Variants in PCDHA3 observed in about 807,000 individuals in gnomAD.
The protein encoded by PCDHA3 is protocadherin alpha 3.
Under a neutral mutation model 62.2 loss-of-function variants are expected in PCDHA3, and 41 were observed. The observed-to-expected ratio is 0.66, with a 90% CI of 0.51 to 0.86. The LOEUF (loss-of-function observed/expected upper bound fraction) is 0.86, where lower values mean the gene tolerates loss of function less well. Ranked by LOEUF, PCDHA3 falls within the 40% of genes least tolerant of loss-of-function variation. PCDHA3 has a pLI of 0.00. For synonymous variants in PCDHA3, 640 were observed against 555.4 expected (o/e 1.15, Z -2.14); for missense variants, 1,304 against 1,241.2 (o/e 1.05, Z -0.76).
chr5:140,884,797 T>A, intron 1 of PCDHA3: 1 of 1,276,990 alleles, frequency 7.8e-7, no homozygotes, highest in Non-Finnish European at 1.1e-6. Flanking sequence ...TTATCGAATT[T>A]AACAACTCTG....
At chr5:140,971,527 A>G (rs116818549) in intron 1 of PCDHA3, among the ~76,000 whole-genome samples, 2,035 of 152,284 alleles carry the variant, frequency 0.013, 20 homozygotes, top group Middle Eastern at 0.054. Context: ...CAGTTCTGAA[A>G]GTCATCATTG....
At position 140,852,434 on chromosome 5, in the gene PCDHA3, C is replaced by T. The variant is rs2150516775; in HGVS notation, c.2394+48843C>T. On this transcript the variant is annotated intron_variant, in intron 1 of 3. Transcript: ENST00000522353. ...CTGGGATTATAGGCACATGCCACCG[C>T]GCCCAGCTAATTTTTGTATTTTTAG... 6.7e-4 allele frequency: 121 copies of T among 181,038 alleles called. 6 individuals carry two copies. The highest frequency in any genetic ancestry group is 3.4e-4 in the Admixed American group (5 of 14,894). The allele number at this position is 181,038 out of a possible 1,614,324, so 11.2% of individuals were successfully genotyped here. A position where few individuals can be genotyped will look rare whatever the true frequency, so the allele number is the denominator to read the frequency against.
chr5:140,808,835 A>G (rs1554124834), intron 1 of PCDHA3: 1 of 1,612,992 alleles, frequency 6.2e-7, no homozygotes. Flanking sequence ...CAGCAACGTG[A>G]CGCTGCAGGT....
chr5:140,967,240 C>T, intron 1 of PCDHA3: 1 of 1,613,644 alleles, frequency 6.2e-7, no homozygotes, highest in African/African-American at 1.3e-5. Flanking sequence ...TTCAGGTAAG[C>T]GAATCGGTGG....
At chr5:140,882,369 C>T (rs1554173809) in intron 1 of PCDHA3, 1 of 1,614,222 alleles carries the variant, frequency 6.2e-7, no homozygotes, top group South Asian at 1.1e-5. Context: ...CTCCACTACT[C>T]CGTCCCCGAG....
At chr5:140,856,935 A>T in intron 1 of PCDHA3, 1 of 1,594,236 alleles carries the variant, frequency 6.3e-7, no homozygotes, top group Non-Finnish European at 8.6e-7. Context: ...TGGATAAACG[A>T]AAGGACGGGA....
In PCDHA3 at chr5:140,847,104, A is replaced by G. The variant is rs2150397303; in HGVS notation, c.2394+43513A>G. Among the ~76,000 whole-genome samples, 7 of 149,942 alleles carry G rather than the reference A, an allele frequency of 4.7e-5. 1 individual carries two copies. The East Asian group carries it at 1.4e-3, about 29-fold the overall frequency. On this transcript the variant is annotated intron_variant, in intron 1 of 3. Coordinates refer to ENST00000522353, the MANE Select transcript of PCDHA3 (RefSeq NM_018906.3). ...AAAGTCCACTTTGGTTAAAACACAC[A>G]GTCTGCAGAGAATGAAAGCAGGAAA...
chr5:140,876,723 C>A (rs782820769), intron 1 of PCDHA3: 15 of 1,614,132 alleles, frequency 9.3e-6, no homozygotes, highest in East Asian at 2.2e-5. Context: ...ACCGCGAGAG[C>A]GTGTCGGCCT....
intron 1 of PCDHA3, chr5:140,857,651 A>G (rs781834004): frequency 6.3e-7 from 1 of 1,596,558 alleles, no homozygotes; most frequent in South Asian, 1.1e-5. Context: ...GTTCCAGGTG[A>G]GCGCGCGCGA....
intron 2 of PCDHA3, among the ~76,000 whole-genome samples, chr5:140,979,626 A>T (rs2096859120): frequency 2.0e-5 from 3 of 152,204 alleles, no homozygotes; most frequent in Non-Finnish European, 4.4e-5. Flanking sequence ...TTAGTCTAAG[A>T]CTCAGATTAA....
intron 2 of PCDHA3, chr5:140,982,263 C>A: frequency 1.2e-6 from 1 of 858,968 alleles, no homozygotes; most frequent in Non-Finnish European, 1.7e-6. Flanking sequence ...ATGTGTGTTC[C>A]TGGAATAGTA....
chr5:140,927,011 C>T, intron 1 of PCDHA3: 1 of 1,612,606 alleles, frequency 6.2e-7, no homozygotes, highest in Non-Finnish European at 8.5e-7. Context: ...GGCAATCTCT[C>T]CGCGGACTTG....
chr5:140,928,642 G>A (rs2085397273), intron 1 of PCDHA3: 2 of 1,614,114 alleles, frequency 1.2e-6, no homozygotes, highest in Non-Finnish European at 8.5e-7. Flanking sequence ...CACAAAAGTG[G>A]TAGCAGAGGA....
At chr5:140,883,786 C>G in intron 1 of PCDHA3, 1 of 1,612,422 alleles carries the variant, frequency 6.2e-7, no homozygotes, top group Admixed American at 1.7e-5. Flanking sequence ...CGCTGTCGAG[C>G]TACGTGTCGG....
intron 1 of PCDHA3, among the ~76,000 whole-genome samples, chr5:140,845,081 A>G (rs1413873569): frequency 1.3e-5 from 2 of 149,512 alleles, no homozygotes; most frequent in Non-Finnish European, 3.0e-5. Flanking sequence ...ATTGTTTTGT[A>G]GTTTATTTTA....
chr5:140,849,060 G>A lies in PCDHA3; in HGVS notation c.2394+45469G>A, dbSNP rs2150429705. On this transcript the variant is annotated intron_variant, in intron 1 of 3. Transcript: ENST00000522353. ...GGACGTGCCAACCAGCAACCAGCAG[G>A]TAAAACCTCTTGGACTTGTATTACG... The A allele has an allele frequency of 3.2e-6, 5 of 1,549,090 alleles. No individual in the cohort carries two copies. The South Asian group carries it at 5.6e-5, about 17-fold the overall frequency.
At chr5:140,875,428 C>T (rs782761347) in intron 1 of PCDHA3, 1 of 1,537,796 alleles carries the variant, frequency 6.5e-7, no homozygotes, top group Non-Finnish European at 8.7e-7. Context: ...GGCAAGCGAT[C>T]CCTTAAAACT....
At chr5:140,911,987 G>A (rs1554195079) in intron 1 of PCDHA3, among the ~76,000 whole-genome samples, 1 of 152,086 alleles carries the variant, frequency 6.6e-6, no homozygotes, top group Admixed American at 6.6e-5. Context: ...TGATCACAAG[G>A]TCCCACAATA....
chr5:140,877,016 G>A (rs781790454), intron 1 of PCDHA3: 2 of 1,612,362 alleles, frequency 1.2e-6, no homozygotes, highest in Non-Finnish European at 1.7e-6. Context: ...GCGGAGAGCG[G>A]CAAGGTGTAC....
Sources: allele counts gnomAD v4.1 joint callset (sites outside exome capture counted in the v4.1 genomes callset), GRCh38; gene constraint gnomAD v4.1.1; transcripts MANE v1.5; gene names NCBI Gene and HGNC (gene_info 2026-07-23, HGNC 2026-07-21).